SUN1: variants seen among roughly 807,000 people sequenced by gnomAD.
The protein encoded by SUN1 is Sad1 and UNC84 domain containing 1.
A neutral mutation model predicts 103.2 loss-of-function variants in SUN1; 61 were observed. That is an observed-to-expected ratio of 0.59 (90% CI 0.48 to 0.73). SUN1 has a LOEUF of 0.73. Among genes scored for constraint, SUN1 ranks in the 30% least tolerant of loss-of-function variants. The pLI is 0.00. For synonymous variants in SUN1, 490 were observed against 425.7 expected, an observed-to-expected ratio of 1.15 and a Z score of -1.86; for missense variants, 1,052 against 1,034.6, an observed-to-expected ratio of 1.02 and a Z score of -0.23.
At chr7:817,172 C>T (rs1201691955) in intron 1 of SUN1, 1 of 514,540 alleles carries the variant, frequency 1.9e-6, no homozygotes, top group Middle Eastern at 5.4e-4. Flanking sequence ...GTTTCCCAGG[C>T]TGGTCTCGAC....
chr7:852,902 C>CTGGG lies in SUN1; in HGVS notation c.1003_1004insTGGG (p.Pro335LeufsTer7). 6.2e-7 allele frequency: 1 copy of CTGGG among 1,614,056 alleles called. No individual in the cohort carries two copies. The highest frequency in any genetic ancestry group is 8.5e-7 in the Non-Finnish European group (1 of 1,179,996). ...GCATAGAACACAGCGGGTGGATGAC[C>CTGGG]CCCAGGACGTGTTTAAACCCACGAC... On this transcript the variant is annotated frameshift_variant, in exon 9 of 19. Transcript: ENST00000401592. LOFTEE classifies it high-confidence loss of function.
At chr7:818,545 T>C (rs1783011786) in intron 1 of SUN1, among the ~76,000 whole-genome samples, 1 of 152,238 alleles carries the variant, frequency 6.6e-6, no homozygotes, top group Admixed American at 6.5e-5. Flanking sequence ...TTCAATTCTT[T>C]GGTTATATAC....
At chr7:858,070 A>C in intron 13 of SUN1, 113 bp downstream of exon 13, 2 of 1,291,144 alleles carry the variant, frequency 1.5e-6, no homozygotes, top group East Asian at 2.8e-5. Flanking sequence ...TTTATTTTTG[A>C]AACCGAGTCT....
At chr7:830,023 A>G (rs4481481), upstream of SUN1, among the ~76,000 whole-genome samples, 117,355 of 152,220 alleles carry the variant, frequency 0.77, 45,428 homozygotes, top group Admixed American at 0.83. Context: ...TTAATATTTG[A>G]TTTCGTAAAG....
In SUN1 at chr7:860,226, T is replaced by C. The variant is rs374075489; in HGVS notation, c.1623T>C (p.Phe541=). ...EQLLQRFSSQ[F]VSKGDLQTML... ...TGCTGCAGAGGTTCTCATCACAGTT[T>C]GTGAGCAAAGGCGACTTGCAGACGA... is the stretch of plus-strand genomic sequence containing the variant. Residue 541 remains phenylalanine, a synonymous_variant, in exon 14 of 19, where the codon TTT becomes TTC. Transcript: ENST00000401592. 4.3e-6 allele frequency: 7 copies of C among 1,614,104 alleles called. No homozygotes were observed. Among genetic ancestry groups the C allele is most frequent in the Non-Finnish European group, 5.1e-6 (6 of 1,180,060 alleles).
At chr7:844,014 G>A (rs1318657314) in intron 5 of SUN1, 6 of 482,110 alleles carry the variant, frequency 1.2e-5, no homozygotes, top group South Asian at 1.3e-4. Context: ...AAGGACACAC[G>A]TGACTCTGGT....
At chr7:827,687 C>T (rs976281827), upstream of SUN1, among the ~76,000 whole-genome samples, 5 of 151,822 alleles carry the variant, frequency 3.3e-5, no homozygotes, top group African/African-American at 4.8e-5. Flanking sequence ...AGGATGGTCT[C>T]GATCTCCTGA....
At position 861,560 on chromosome 7, in the gene SUN1, A is replaced by C. The variant is rs895722762; in HGVS notation, c.1864+96A>C. The C allele has an allele frequency of 6.8e-6, 8 of 1,172,900 alleles. No homozygotes were observed. The African/African-American group carries it at 1.2e-4, about 18-fold the overall frequency. 72.7% of individuals were successfully genotyped at this position (1,172,900 alleles called of 1,614,324 possible). A position where few individuals can be genotyped will look rare whatever the true frequency, so the allele number is the denominator to read the frequency against. ...TGTTGCCTACCCCACTTCCAGCAGT[A>C]AGGACTCCTAACTTTTAAACATCTG... On this transcript the variant is annotated intron_variant, in intron 15 of 18. Transcript: ENST00000401592.
At chr7:826,530 G>T (rs186910403) in intron 1 of SUN1, among the ~76,000 whole-genome samples, 222 of 152,316 alleles carry the variant, frequency 1.5e-3, no homozygotes, top group Non-Finnish European at 2.9e-3. Flanking sequence ...GTGGACGTGG[G>T]GCTTGTGGCA....
At chr7:851,803 C>T in intron 6 of SUN1, 147 bp from the exon 7 acceptor site, 2 of 747,146 alleles carry the variant, frequency 2.7e-6, no homozygotes, top group Non-Finnish European at 4.5e-6. Flanking sequence ...GCCTTGCTTC[C>T]TGCCGTGGCG....
chr7:851,696 A>T, intron 6 of SUN1: 2 of 636,162 alleles, frequency 3.1e-6, no homozygotes, highest in Non-Finnish European at 5.4e-6. Flanking sequence ...GTCTGGGGGA[A>T]GTCCGGCTGC....
intron 13 of SUN1, among the ~76,000 whole-genome samples, chr7:859,096 C>T (rs371789600): frequency 2.1e-4 from 32 of 149,248 alleles, no homozygotes; most frequent in East Asian, 2.0e-3. Context: ...GAGGTTGCAG[C>T]GAGCCAAGAT....
intron 16 of SUN1, 185 bp from the exon 17 acceptor site, chr7:869,164 G>T: frequency 1.4e-6 from 1 of 695,386 alleles, no homozygotes; most frequent in Non-Finnish European, 2.4e-6. Context: ...ATGGGTTGGA[G>T]ATAGTGGCCC....
At chr7:870,301 G>A (rs2128565120) in intron 17 of SUN1, among the ~76,000 whole-genome samples, 1 of 151,322 alleles carries the variant, frequency 6.6e-6, no homozygotes, top group East Asian at 1.9e-4. Context: ...TGCCTTTAAA[G>A]AAAATTGGCC....
At chr7:850,058 T>G in intron 5 of SUN1, 8 of 1,539,390 alleles carry the variant, frequency 5.2e-6, no homozygotes, top group Non-Finnish European at 7.0e-6. Flanking sequence ...CGTCTCCGTC[T>G]CATCTCGCCC....
intron 1 of SUN1, among the ~76,000 whole-genome samples, chr7:836,498 A>G (rs1803358458): frequency 6.6e-6 from 1 of 152,232 alleles, no homozygotes; most frequent in Non-Finnish European, 1.5e-5. Flanking sequence ...CCCAAGACCC[A>G]GGAGAACCAC....
At chr7:869,571 G>GGT (rs1207871102) in intron 17 of SUN1, 55 bp downstream of exon 17, 1 of 1,586,994 alleles carries the variant, frequency 6.3e-7, no homozygotes, top group African/African-American at 1.3e-5. Context: ...AGTTCCCACA[G>GGT]ATGAAAGCAA....
intron 1 of SUN1, among the ~76,000 whole-genome samples, chr7:834,453 G>A (rs1800977596): frequency 6.6e-6 from 1 of 152,334 alleles, no homozygotes; most frequent in East Asian, 1.9e-4. Context: ...TGGAGGTGGG[G>A]GCCTCAGGGC....
intron 5 of SUN1, among the ~76,000 whole-genome samples, chr7:844,623 C>T (rs936926147): frequency 6.6e-6 from 1 of 152,152 alleles, no homozygotes. Flanking sequence ...TGAAAGGGGC[C>T]GGGAAAGGTG....
Sources: allele counts gnomAD v4.1 joint callset (sites outside exome capture counted in the v4.1 genomes callset), GRCh38; gene constraint gnomAD v4.1.1; transcripts MANE v1.5; gene names NCBI Gene and HGNC (gene_info 2026-07-23, HGNC 2026-07-21).